The following PPARGC1A variants were observed in gnomAD, a reference collection of about 807,000 sequenced individuals.
The protein encoded by PPARGC1A is peroxisome proliferator-activated receptor gamma coactivator 1-alpha.
Under a neutral mutation model 88.7 loss-of-function variants are expected in PPARGC1A, and 25 were observed. The observed-to-expected ratio is 0.28, with a 90% CI of 0.21 to 0.39. PPARGC1A has a LOEUF of 0.39. Ranked by LOEUF, PPARGC1A falls within the 10% of genes least tolerant of loss-of-function variation. PPARGC1A has a pLI of 1.00. For synonymous variants in PPARGC1A, 363 were observed against 355.6 expected, an observed-to-expected ratio of 1.02 and a Z score of -0.24; for missense variants, 880 against 968.7, an observed-to-expected ratio of 0.91 and a Z score of 1.22.
At chr4:24,103,595 CAAA>C in the PPARGC1A span, among the ~76,000 whole-genome samples, 4 of 121,596 alleles carry the variant, frequency 3.3e-5, no homozygotes, top group Admixed American at 8.4e-5. Context: ...TGCCTTCTTC[CAAA>C]AAAAAAAAAA....
chr4:24,094,343 T>C, the PPARGC1A span, among the ~76,000 whole-genome samples: 2 of 152,158 alleles, frequency 1.3e-5, no homozygotes, highest in African/African-American at 2.4e-5. Context: ...AGCTAGAACA[T>C]AGATCCCAGG....
chr4:24,039,844 GCCA>G, the PPARGC1A span, among the ~76,000 whole-genome samples: 4 of 151,968 alleles, frequency 2.6e-5, no homozygotes, highest in African/African-American at 4.8e-5. Context: ...AGCCACTGCT[GCCA>G]CCACCACCAC....
chr4:24,136,583 A>G, the PPARGC1A span, among the ~76,000 whole-genome samples: 25 of 152,228 alleles, frequency 1.6e-4, no homozygotes, highest in African/African-American at 5.5e-4. Flanking sequence ...GCACAGCAAC[A>G]AAACAGAGCA....
At chr4:23,963,947 A>G in the PPARGC1A span, among the ~76,000 whole-genome samples, 2 of 152,202 alleles carry the variant, frequency 1.3e-5, no homozygotes, top group Non-Finnish European at 2.9e-5. Flanking sequence ...TGGAGAACAC[A>G]GCAGATGGAG....
intron 1 of PPARGC1A, among the ~76,000 whole-genome samples, chr4:23,896,458 T>C (rs1344217219): frequency 6.6e-6 from 1 of 152,140 alleles, no homozygotes; most frequent in Non-Finnish European, 1.5e-5. Context: ...CTGCCTGTCA[T>C]ACCAAGTCCA....
At chr4:24,169,323 C>A in the PPARGC1A span, among the ~76,000 whole-genome samples, 1 of 152,102 alleles carries the variant, frequency 6.6e-6, no homozygotes, top group East Asian at 1.9e-4. Context: ...AAATGTAATA[C>A]GGGGTCCTGG....
the PPARGC1A span, among the ~76,000 whole-genome samples, chr4:23,943,271 T>TA: frequency 1.3e-5 from 2 of 152,198 alleles, no homozygotes; most frequent in Non-Finnish European, 2.9e-5. Context: ...AATCTTTACT[T>TA]ATTCAAAAGA....
chr4:24,085,569 T>G, the PPARGC1A span, among the ~76,000 whole-genome samples: 1 of 152,158 alleles, frequency 6.6e-6, no homozygotes, highest in South Asian at 2.1e-4. Flanking sequence ...CTGCCTCTAT[T>G]GAGAGCTGTG....
the PPARGC1A span, among the ~76,000 whole-genome samples, chr4:24,037,786 G>A: frequency 6.6e-6 from 1 of 152,216 alleles, no homozygotes; most frequent in African/African-American, 2.4e-5. Flanking sequence ...TTATCACTGG[G>A]TATATCACAG....
the PPARGC1A span, among the ~76,000 whole-genome samples, chr4:24,467,186 G>A: frequency 1.5e-3 from 232 of 152,186 alleles, no homozygotes; most frequent in Non-Finnish European, 2.5e-3. Flanking sequence ...AAGTAAGCCA[G>A]CCTTATTGGA....
the PPARGC1A span, among the ~76,000 whole-genome samples, chr4:24,057,252 A>C: frequency 6.6e-6 from 1 of 152,332 alleles, no homozygotes; most frequent in Non-Finnish European, 1.5e-5. Flanking sequence ...AGAGTAGTCA[A>C]TTCATAGAGA....
chr4:24,471,115 G>C, the PPARGC1A span, among the ~76,000 whole-genome samples: 15 of 151,684 alleles, frequency 9.9e-5, no homozygotes, highest in Non-Finnish European at 2.2e-4. This position sits in a 1 kb window ranked among gnomAD's most constrained non-coding sequence, Gnocchi z 5.4. Context: ...GCGGAGGCCA[G>C]GCGAGCCGGG....
chr4:24,440,463 C>T, the PPARGC1A span, among the ~76,000 whole-genome samples: 1 of 152,018 alleles, frequency 6.6e-6, no homozygotes, highest in Non-Finnish European at 1.5e-5. Flanking sequence ...TGGAAACTGA[C>T]ACATGCCTCC....
chr4:24,424,258 C>CTTTTTTTTTTTTTT, the PPARGC1A span, among the ~76,000 whole-genome samples: 5 of 44,346 alleles, frequency 1.1e-4, 1 homozygote, highest in African/African-American at 3.0e-4. Flanking sequence ...TATACACACA[C>CTTTTTTTTTTTTTT]TTTTTTTTTT....
the PPARGC1A span, among the ~76,000 whole-genome samples, chr4:24,464,369 CT>C: frequency 3.9e-5 from 6 of 152,082 alleles, no homozygotes; most frequent in African/African-American, 1.4e-4. Context: ...ATTATAATTC[CT>C]CATTCAAAAG....
At chr4:24,185,204 T>C in the PPARGC1A span, among the ~76,000 whole-genome samples, 1 of 152,112 alleles carries the variant, frequency 6.6e-6, no homozygotes, top group South Asian at 2.1e-4. Context: ...TCCTGAAACT[T>C]GAGTAATTAT....
chr4:23,984,238 C>T, the PPARGC1A span, among the ~76,000 whole-genome samples: 1 of 152,060 alleles, frequency 6.6e-6, no homozygotes, highest in South Asian at 2.1e-4. Context: ...GGGAATCCTT[C>T]CTATACCAGG....
the PPARGC1A span, among the ~76,000 whole-genome samples, chr4:24,315,022 TAAAA>T: frequency 1.5e-5 from 2 of 131,510 alleles, no homozygotes; most frequent in Admixed American, 7.7e-5. Context: ...ATACAGACCT[TAAAA>T]AAAAAAAAAA....
At chr4:24,276,918 A>G in the PPARGC1A span, among the ~76,000 whole-genome samples, 1 of 152,168 alleles carries the variant, frequency 6.6e-6, no homozygotes, top group Non-Finnish European at 1.5e-5. Flanking sequence ...CCCAAGCAAA[A>G]TGATGAATAT....
Sources: allele counts gnomAD v4.1 joint callset (sites outside exome capture counted in the v4.1 genomes callset), GRCh38; gene constraint gnomAD v4.1.1; non-coding constraint Gnocchi (gnomAD v3.1); transcripts MANE v1.5; gene names NCBI Gene and HGNC (gene_info 2026-07-23, HGNC 2026-07-21).